The following TERT variants were observed in gnomAD, a reference collection of about 807,000 sequenced individuals.
TERT encodes telomerase reverse transcriptase, also known as telomerase catalytic subunit.
Under a neutral mutation model 104.0 loss-of-function variants are expected in TERT, and 42 were observed. That is an observed-to-expected ratio of 0.40 (90% CI 0.32 to 0.52). TERT has a LOEUF of 0.52. TERT is among the 20% of genes least tolerant of loss of function. The pLI is 0.43. For missense variants in TERT, 1,101 were observed against 1,610.3 expected (o/e 0.68, Z 5.41); for synonymous variants, 781 against 725.6 (o/e 1.08, Z -1.23).
chr5:1,272,057 C>T, intron 7 of TERT, 128 bp downstream of exon 7: 1 of 827,782 alleles, frequency 1.2e-6, no homozygotes. Context: ...CATCATGCCC[C>T]CATCACAGCT....
At position 1,257,650 on chromosome 5, in the gene TERT, A is replaced by G. The variant is rs1161088505; in HGVS notation, c.3032+948T>C. On this transcript the variant is annotated intron_variant, in intron 13 of 15. Transcript: ENST00000310581. This position sits in a 1 kb window ranked among gnomAD's most constrained non-coding sequence, Gnocchi z 5.6. ...CAGCTGTGGCTCTGCCCTCCCTGCC[A>G]GAGCATGAAGGCGCAAGCACTCGGG... Among the ~76,000 whole-genome samples, 1 of 152,230 alleles carries G rather than the reference A, an allele frequency of 6.6e-6. No homozygotes were observed. The highest frequency in any genetic ancestry group is 1.5e-5 in the Non-Finnish European group (1 of 68,038).
At chr5:1,293,188 G>A (rs1210356852) in intron 2 of TERT, 125 bp downstream of exon 2, 4 of 1,216,090 alleles carry the variant, frequency 3.3e-6, no homozygotes, top group Non-Finnish European at 4.7e-6. Flanking sequence ...CGTCCTGAGC[G>A]AAAAGCCACG....
At chr5:1,258,764 A>G (rs1029889537) in intron 12 of TERT, 105 bp from the exon 13 acceptor site, 11 of 1,015,874 alleles carry the variant, frequency 1.1e-5, no homozygotes, top group African/African-American at 3.2e-5. Flanking sequence ...AAAGAGGAAC[A>G]TTTTGACAAG....
At chr5:1,279,881 C>A (rs536915915) in intron 4 of TERT, among the ~76,000 whole-genome samples, 1 of 152,326 alleles carries the variant, frequency 6.6e-6, no homozygotes, top group Non-Finnish European at 1.5e-5. Flanking sequence ...GGATCCAGGA[C>A]CTCGGGCCGT....
At position 1,268,265 on chromosome 5, in the gene TERT, A is replaced by G. The variant is rs1255424317; in HGVS notation, c.2582+255T>C. 6.6e-6 allele frequency among the ~76,000 whole-genome samples: 1 copy of G among 152,214 alleles called. No homozygotes were observed. Among genetic ancestry groups the G allele is most frequent in the Non-Finnish European group, 1.5e-5 (1 of 68,038 alleles). ...TGTTGAATTCACATGCTCATCATGCAGGGCAGCGGCCCTCCCGCCTGCTGA... is the reference window on the plus strand; with the variant it reads ...TGTTGAATTCACATGCTCATCATGCGGGGCAGCGGCCCTCCCGCCTGCTGA... On this transcript the variant is annotated intron_variant, in intron 9 of 15. Coordinates refer to ENST00000310581, the MANE Select transcript of TERT (RefSeq NM_198253.3). This position sits in a 1 kb window ranked among gnomAD's most constrained non-coding sequence, Gnocchi z 5.5.
At chr5:1,290,230 A>C (rs1750798694) in intron 2 of TERT, among the ~76,000 whole-genome samples, 1 of 61,420 alleles carries the variant, frequency 1.6e-5, no homozygotes, top group Non-Finnish European at 2.9e-5. Flanking sequence ...CGCCTCACTC[A>C]CCCTACACGT....
At chr5:1,260,361 T>G (rs532232740) in intron 12 of TERT, 113 bp downstream of exon 12, 1 of 1,531,862 alleles carries the variant, frequency 6.5e-7, no homozygotes, top group South Asian at 1.1e-5. Context: ...TGTGCACTCT[T>G]ACGTGCAGCC....
At chr5:1,259,137 G>C (rs1747984793) in intron 12 of TERT, among the ~76,000 whole-genome samples, 1 of 142,340 alleles carries the variant, frequency 7.0e-6, no homozygotes, top group Non-Finnish European at 1.5e-5. Context: ...AGTGGATGCA[G>C]ATGCCCACAG....
intron 2 of TERT, among the ~76,000 whole-genome samples, chr5:1,285,984 C>T (rs187595603): frequency 2.0e-5 from 3 of 152,170 alleles, no homozygotes; most frequent in Admixed American, 6.5e-5. Context: ...GACACTCCCC[C>T]GCCAGGCAGC....
In TERT at chr5:1,253,593, C is replaced by T. The variant is rs1579541295; in HGVS notation, c.*135G>A. ...TTCAGCCGGACATGCAGGCCTCGGC[C>T]AAACACTCACTCAGGCCTCAGACTC... On this transcript the variant is annotated 3_prime_UTR_variant, in exon 16 of 16. Coordinates refer to ENST00000310581, the MANE Select transcript of TERT (RefSeq NM_198253.3). The T allele has an allele frequency of 2.6e-6, 2 of 757,224 alleles. No individual in the cohort carries two copies. Among genetic ancestry groups the T allele is most frequent in the African/African-American group, 1.7e-5 (1 of 58,414 alleles). The allele number at this position is 757,224 out of a possible 1,614,324, so 46.9% of individuals were successfully genotyped here.
rs1455405793 is a variant in TERT at position 1,286,836 on chromosome 5, C to A, written c.1574-4212G>T. ...GAGGTTGCAGTGAGCCGAGATTGTGCCATTACACTCCAGCCTGGGTGACAG... is the reference window on the plus strand; with the variant it reads ...GAGGTTGCAGTGAGCCGAGATTGTGACATTACACTCCAGCCTGGGTGACAG... On this transcript the variant is annotated intron_variant, in intron 2 of 15. Transcript: ENST00000310581. The surrounding 1 kb of genome is among the most constrained non-coding windows in gnomAD (Gnocchi z 5.3). Among the ~76,000 whole-genome samples the A allele has an allele frequency of 1.3e-5, 2 of 152,114 alleles. No homozygotes were observed. Among genetic ancestry groups the A allele is most frequent in the African/African-American group, 4.8e-5 (2 of 41,430 alleles).
In TERT at chr5:1,255,328, G is replaced by C. The variant is rs763381198; in HGVS notation, c.3116C>G (p.Thr1039Arg). The part of the protein sequence containing the change: ...PTFFLRVISD[T>R]ASLCYSILKA... ...CAGGATGGAGTAGCAGAGGGAGGCC[G>C]TGTCAGAGATGACGCGCAGGAAAAA... The change falls in exon 14 of 16, where the codon ACG becomes AGG. Residue 1039 changes from threonine (T) to arginine (R), a missense_variant. By Grantham distance (71) the Thr-to-Arg change is moderately conservative. Around this residue, in one of 5 missense-constraint regions of TERT, gnomAD observed 463 missense variants for 797.5 expected, o/e 0.58. Transcript: ENST00000310581. The surrounding 1 kb of genome is among the most constrained non-coding windows in gnomAD (Gnocchi z 6.9). 1.2e-6 allele frequency: 2 copies of C among 1,614,074 alleles called. No homozygotes were observed. The highest frequency in any genetic ancestry group is 1.3e-5 in the African/African-American group (1 of 74,950).
rs566858235 is a variant in TERT, at chr5:1,266,318, C to T, written c.2654+146G>A. On this transcript the variant is annotated intron_variant, in intron 10 of 15. Transcript: ENST00000310581. ...CCCCAGGCCTGGGTGCACGGCCAAGCGCCTCTGCTCTTGCGGATCCAGCAC... is the reference window on the plus strand; with the variant it reads ...CCCCAGGCCTGGGTGCACGGCCAAGTGCCTCTGCTCTTGCGGATCCAGCAC... 127 of 810,492 alleles carry T rather than the reference C, an allele frequency of 1.6e-4. 1 individual carries two copies. The highest frequency in any genetic ancestry group is 7.6e-4 in the South Asian group (51 of 67,312). The allele number at this position is 810,492 out of a possible 1,614,324, so 50.2% of individuals were successfully genotyped here. A position where few individuals can be genotyped will look rare whatever the true frequency, so the allele number is the denominator to read the frequency against.
Position 1,269,177 on chromosome 5 carries a change from A to G in TERT, c.2469-544T>C, listed in dbSNP as rs1482088883. 6.6e-6 allele frequency among the ~76,000 whole-genome samples: 1 copy of G among 152,206 alleles called. No homozygotes were observed. Among genetic ancestry groups the G allele is most frequent in the Non-Finnish European group, 1.5e-5 (1 of 68,038 alleles). On this transcript the variant is annotated intron_variant, in intron 8 of 15. Transcript: ENST00000310581. The surrounding 1 kb of genome is among the most constrained non-coding windows in gnomAD (Gnocchi z 9.0). Reference sequence around the variant, plus strand: ...CCCCGTGGAACCTAAAGGTGCACACAGAAGGCATGGCTGCCACGCGACCCT... The same window carrying G: ...CCCCGTGGAACCTAAAGGTGCACACGGAAGGCATGGCTGCCACGCGACCCT...
intron 12 of TERT, among the ~76,000 whole-genome samples, chr5:1,259,148 G>A (rs1747985788): frequency 1.4e-5 from 2 of 147,496 alleles, no homozygotes; most frequent in African/African-American, 5.0e-5. Flanking sequence ...ATGCCCACAG[G>A]AGAGGGAGTG....
Position 1,270,907 on chromosome 5 carries a change from C to T in TERT, c.2468+212G>A, listed in dbSNP as rs2126613587. On this transcript the variant is annotated intron_variant, in intron 8 of 15. Coordinates refer to ENST00000310581, the MANE Select transcript of TERT (RefSeq NM_198253.3). This position sits in a 1 kb window ranked among gnomAD's most constrained non-coding sequence, Gnocchi z 8.3. ...TGCCATTTCCAGGCCTCGTGTGGCA[C>T]CTGCTCCGCTCCGGCTGCCGCAAGC... Among the ~76,000 whole-genome samples, 1 of 152,354 alleles carries T rather than the reference C, an allele frequency of 6.6e-6. No homozygotes were observed. The highest frequency in any genetic ancestry group is 2.4e-5 in the African/African-American group (1 of 41,596).
chr5:1,279,504 G>A, intron 4 of TERT, 34 bp from the exon 5 acceptor site: 2 of 1,547,368 alleles, frequency 1.3e-6, no homozygotes, highest in Non-Finnish European at 1.7e-6. Flanking sequence ...AGTCAGGAAA[G>A]TGGATCCGGC....
Position 1,293,922 on chromosome 5 carries a change from G to C in TERT, c.964C>G (p.Pro322Ala), listed in dbSNP as rs1751177770. 1 of 1,542,622 alleles carries C rather than the reference G, an allele frequency of 6.5e-7. No individual in the cohort carries two copies. Among genetic ancestry groups the C allele is most frequent in the Non-Finnish European group, 8.7e-7 (1 of 1,147,330 alleles). Residue 322 changes from proline to alanine, a missense_variant, in exon 2 of 16, where the codon CCC (proline) becomes GCC (alanine). Physicochemically the swap from Pro to Ala is conservative, Grantham distance 27. This residue lies in a region of TERT where 504 missense variants were observed against 544.6 expected (regional missense o/e 0.93). Transcript: ENST00000310581. ...RPPRPWDTPC[P>A]PVYAETKHFL... is the part of the protein sequence containing the mutation. ...TGCTTGGTCTCGGCGTACACCGGGG[G>C]ACAAGGCGTGTCCCAGGGACGTGGT...
chr5:1,272,492 C>T (rs1749123629), intron 6 of TERT, among the ~76,000 whole-genome samples: 1 of 152,114 alleles, frequency 6.6e-6, no homozygotes, highest in Non-Finnish European at 1.5e-5. Flanking sequence ...ACTCCACCTG[C>T]AGCTACCACA....
Sources: allele counts gnomAD v4.1 joint callset (sites outside exome capture counted in the v4.1 genomes callset), GRCh38; gene constraint gnomAD v4.1.1; regional missense constraint gnomAD v4.1.1; non-coding constraint Gnocchi (gnomAD v3.1); transcripts MANE v1.5; gene names NCBI Gene and HGNC (gene_info 2026-07-23, HGNC 2026-07-21).